PALM2AKAP2: variants seen among roughly 807,000 people sequenced by gnomAD.
PALM2AKAP2 encodes PALM2-AKAP2 fusion protein.
Under a neutral mutation model 71.5 loss-of-function variants are expected in PALM2AKAP2, and 37 were observed. The observed-to-expected ratio is 0.52, with a 90% confidence interval of 0.40 to 0.68. The LOEUF (loss-of-function observed/expected upper bound fraction) is 0.68, where lower values mean the gene tolerates loss of function less well. Ranked by LOEUF, PALM2AKAP2 falls within the 30% of genes least tolerant of loss-of-function variation. PALM2AKAP2 has a pLI of 0.00. For synonymous variants in PALM2AKAP2, 468 were observed against 478.8 expected, an observed-to-expected ratio of 0.98 and a Z score of 0.29; for missense variants, 1,224 against 1,191.8, an observed-to-expected ratio of 1.03 and a Z score of -0.40.
chr9:109,880,229 A>G (rs572757680), intron 2 of PALM2AKAP2, among the ~76,000 whole-genome samples: 9 of 152,356 alleles, frequency 5.9e-5, no homozygotes, highest in Middle Eastern at 3.4e-3. Flanking sequence ...TATGGTTGTT[A>G]TTTAGTTTAA....
intron 1 of PALM2AKAP2, among the ~76,000 whole-genome samples, chr9:109,764,462 T>G (rs1197397289): frequency 6.6e-6 from 1 of 152,156 alleles, no homozygotes; most frequent in Non-Finnish European, 1.5e-5. Flanking sequence ...TATGCATCCT[T>G]GAAGTTCAGT....
In PALM2AKAP2 at chr9:109,841,126, T is replaced by A. The variant is rs1218310883; in HGVS notation, c.46-26365T>A. Among the ~76,000 whole-genome samples the A allele has an allele frequency of 3.3e-5, 5 of 152,226 alleles. No individual in the cohort carries two copies. The South Asian group carries it at 8.3e-4, about 25-fold the overall frequency. Reference sequence around the variant, plus strand: ...AGACTTGGAACCAACCCAAAGTCCATCAATGATAGACTGGATTAAGAAAAT... The same window carrying A: ...AGACTTGGAACCAACCCAAAGTCCAACAATGATAGACTGGATTAAGAAAAT... On this transcript the variant is annotated intron_variant, in intron 1 of 9. Coordinates refer to the PALM2AKAP2 transcript ENST00000302798.
chr9:110,034,206 G>A (rs1273276966), intron 7 of PALM2AKAP2, among the ~76,000 whole-genome samples: 2 of 152,170 alleles, frequency 1.3e-5, no homozygotes, highest in South Asian at 2.1e-4. Context: ...TGCCCAGGCT[G>A]GAGTGCAACG....
intron 7 of PALM2AKAP2, among the ~76,000 whole-genome samples, chr9:110,024,154 A>G (rs997478648): frequency 2.6e-5 from 4 of 152,184 alleles, no homozygotes; most frequent in Non-Finnish European, 4.4e-5. Context: ...CCAGGTAGGT[A>G]TATGATTCAA....
At chr9:109,881,903 T>A (rs1829863885) in intron 3 of PALM2AKAP2, among the ~76,000 whole-genome samples, 1 of 127,954 alleles carries the variant, frequency 7.8e-6, no homozygotes, top group African/African-American at 3.5e-5. Flanking sequence ...TTTTTTTTTT[T>A]AGATGGAGTC....
chr9:110,069,743 T>A (rs1054879232), intron 1 of PALM2AKAP2, among the ~76,000 whole-genome samples: 1 of 152,190 alleles, frequency 6.6e-6, no homozygotes, highest in Non-Finnish European at 1.5e-5. Flanking sequence ...TTGCAGAACC[T>A]GTGTCTTTGG....
chr9:110,079,099 C>T (rs1430268596), intron 1 of PALM2AKAP2, among the ~76,000 whole-genome samples: 1 of 152,090 alleles, frequency 6.6e-6, no homozygotes, highest in East Asian at 1.9e-4. Context: ...ATATTATTTC[C>T]CTTTTGTATG....
At chr9:110,022,767 C>T (rs1833097258) in intron 7 of PALM2AKAP2, among the ~76,000 whole-genome samples, 1 of 151,832 alleles carries the variant, frequency 6.6e-6, no homozygotes. Context: ...TGTGATGTTC[C>T]CCTTCCTGTG....
At chr9:109,691,947 T>C (rs1436865502) in intron 1 of PALM2AKAP2, among the ~76,000 whole-genome samples, 3 of 140,966 alleles carry the variant, frequency 2.1e-5, no homozygotes, top group Non-Finnish European at 4.6e-5. Flanking sequence ...TATACACATA[T>C]ATATATATAC....
intron 1 of PALM2AKAP2, among the ~76,000 whole-genome samples, chr9:110,099,175 A>G (rs752421815): frequency 6.6e-6 from 1 of 152,226 alleles, no homozygotes; most frequent in Non-Finnish European, 1.5e-5. Context: ...GATCTAGGCT[A>G]TATAAGAAGA....
At chr9:109,933,341 C>A (rs1831150929) in intron 6 of PALM2AKAP2, among the ~76,000 whole-genome samples, 1 of 152,178 alleles carries the variant, frequency 6.6e-6, no homozygotes, top group African/African-American at 2.4e-5. Context: ...AAGAGTGACA[C>A]CCCTTCCCTC....
At chr9:109,797,077 G>C (rs1054277128) in intron 1 of PALM2AKAP2, among the ~76,000 whole-genome samples, 17 of 152,156 alleles carry the variant, frequency 1.1e-4, no homozygotes, top group Non-Finnish European at 2.5e-4. Flanking sequence ...CTGCTCTGAT[G>C]GTTTCCTCCT....
chr9:110,158,798 CA>C (rs1414941388), intron 3 of PALM2AKAP2, among the ~76,000 whole-genome samples: 1 of 152,198 alleles, frequency 6.6e-6, no homozygotes, highest in Non-Finnish European at 1.5e-5. Context: ...ATTGCTATTA[CA>C]ACAGAACCAA....
chr9:110,068,628 C>A (rs1379713534), intron 1 of PALM2AKAP2, among the ~76,000 whole-genome samples: 1 of 151,966 alleles, frequency 6.6e-6, no homozygotes, highest in Non-Finnish European at 1.5e-5. Context: ...CTCCCCCAGG[C>A]TCAAGCGATC....
At chr9:109,958,836 G>A (rs2132108223) in intron 6 of PALM2AKAP2, among the ~76,000 whole-genome samples, 1 of 152,300 alleles carries the variant, frequency 6.6e-6, no homozygotes, top group East Asian at 1.9e-4. Flanking sequence ...TTACTAGTAA[G>A]CCACCCGTCA....
At chr9:109,914,181 C>G (rs1315405694) in intron 3 of PALM2AKAP2, among the ~76,000 whole-genome samples, 1 of 152,196 alleles carries the variant, frequency 6.6e-6, no homozygotes, top group African/African-American at 2.4e-5. Flanking sequence ...CAGACCTGTT[C>G]CACTTTAACC....
chr9:109,642,860 T>TTA (rs1564099128), intron 1 of PALM2AKAP2, among the ~76,000 whole-genome samples: 1 of 148,510 alleles, frequency 6.7e-6, no homozygotes, highest in Non-Finnish European at 1.5e-5. Flanking sequence ...TTTTTTTTTT[T>TTA]AATTTATAAA....
chr9:110,152,974 C>T (rs1374207316), intron 2 of PALM2AKAP2, among the ~76,000 whole-genome samples: 4 of 152,104 alleles, frequency 2.6e-5, no homozygotes, highest in Non-Finnish European at 5.9e-5. Flanking sequence ...GATAGCCTCT[C>T]CTAAGGGGGT....
At position 109,860,126 on chromosome 9, in the gene PALM2AKAP2, T is replaced by C. The variant is rs550415399; in HGVS notation, c.46-7365T>C. On this transcript the variant is annotated intron_variant, in intron 1 of 9. Transcript: ENST00000302798. ...AGATAACTGATCTCGAACAGGGATG[T>C]GTCTGCTGAGCAAACTCAGCATTAC... Among the ~76,000 whole-genome samples, 8 of 152,348 alleles carry C rather than the reference T, an allele frequency of 5.3e-5. No homozygotes were observed. In the East Asian group the frequency reaches 1.2e-3, roughly 22 times the overall value.
Sources: gnomAD v4.1 joint callset for allele counts (sites outside exome capture counted in the v4.1 genomes callset) on GRCh38, gnomAD v4.1.1 for gene constraint, MANE v1.5 for transcripts, NCBI Gene and HGNC (gene_info 2026-07-23, HGNC 2026-07-21) for gene names.